The following SYNE2 variants were observed in gnomAD, a reference collection of about 807,000 sequenced individuals.
The protein encoded by SYNE2 is nesprin-2.
A neutral mutation model predicts 856.3 loss-of-function variants in SYNE2; 431 were observed. The ratio of observed to expected loss-of-function variants is 0.50; its 90% CI spans 0.47 to 0.55. SYNE2 has a LOEUF of 0.55. SYNE2 is among the 20% of genes least tolerant of loss of function. SYNE2 has a pLI of 0.00. For missense variants in SYNE2, 8,129 were observed against 8,023.2 expected (o/e 1.01, Z -0.50); for synonymous variants, 2,923 against 2,872.3 (o/e 1.02, Z -0.56).
rs34947861 is a variant in SYNE2 at position 63,841,832 on chromosome 14, C to CTTTTT, written c.-304-10655_-304-10651dup. On this transcript the variant is annotated intron_variant, in intron 1 of 23. Transcript: ENST00000674003. The stretch of plus-strand genomic sequence containing the variant: ...CATTTTTCTTTTTCTTTCTTTCTTT[C>CTTTTT]TTTTTTTTTTTTTTTTTTGAGACAT... Among the ~76,000 whole-genome samples, 506 of 114,904 alleles carry CTTTTT rather than the reference C, an allele frequency of 4.4e-3. 1 individual carries two copies. The highest frequency in any genetic ancestry group is 6.0e-3 in the Non-Finnish European group (348 of 58,406). The allele number at this position is 114,904 out of a possible 152,430, so 75.4% of individuals were successfully genotyped here.
intron 34 of SYNE2, among the ~76,000 whole-genome samples, chr14:64,018,632 G>A (rs140242961): frequency 6.6e-6 from 1 of 152,184 alleles, no homozygotes; most frequent in Non-Finnish European, 1.5e-5. Flanking sequence ...TGCTGTTGGA[G>A]AATTGAAAAC....
At position 63,944,526 on chromosome 14, in the gene SYNE2, T is replaced by G. The variant is rs867285866; in HGVS notation, c.408+2383T>G. Among the ~76,000 whole-genome samples, 11 of 139,344 alleles carry G rather than the reference T, an allele frequency of 7.9e-5. 1 individual carries two copies. The South Asian group carries it at 1.4e-3, about 18-fold the overall frequency. The allele number at this position is 139,344 out of a possible 152,430, so 91.4% of individuals were successfully genotyped here. On this transcript the variant is annotated intron_variant, in intron 6 of 115. Coordinates refer to ENST00000555002, the MANE Select transcript of SYNE2 (RefSeq NM_182914.3). Reference sequence around the variant, plus strand: ...CAAACTTAAAGCCTTTCTTTTTTTTTTTTTTTTTTTTTTTTGAGACAGAGT... The same window carrying G: ...CAAACTTAAAGCCTTTCTTTTTTTTGTTTTTTTTTTTTTTTGAGACAGAGT...
chr14:63,940,032 T>G (rs575240491), intron 2 of SYNE2, among the ~76,000 whole-genome samples: 55 of 152,196 alleles, frequency 3.6e-4, no homozygotes, highest in African/African-American at 1.2e-3. Flanking sequence ...TCACAGTTCT[T>G]TGTACAGTAC....
At chr14:64,149,917 C>T (rs567882340) in intron 84 of SYNE2, among the ~76,000 whole-genome samples, 4 of 150,812 alleles carry the variant, frequency 2.7e-5, no homozygotes, top group East Asian at 2.0e-4. Flanking sequence ...GGGCTAAATC[C>T]GTATTATTCT....
rs2098161023 is a variant in SYNE2 at position 64,143,906 on chromosome 14, G to T, written c.15441G>T (p.Met5147Ile). The change falls in exon 83 of 116, where the codon ATG becomes ATT. Residue 5147 changes from methionine (M) to isoleucine (I), a missense_variant. Around this residue, in one of 3 missense-constraint regions of SYNE2, gnomAD observed 5,410 missense variants for 5,284.8 expected, o/e 1.02. Coordinates refer to ENST00000555002, the MANE Select transcript of SYNE2 (RefSeq NM_182914.3). ...RTEFAEHLGE[M>I]NRQWHRVHGM... ...AGTTTGCAGAGCACCTGGGGGAGAT[G>T]AACCGCCAGTGGCACCGTGTACATG... 6.2e-7 allele frequency: 1 copy of T among 1,614,168 alleles called. No individual in the cohort carries two copies. Among genetic ancestry groups the T allele is most frequent in the Non-Finnish European group, 8.5e-7 (1 of 1,179,996 alleles).
intron 29 of SYNE2, among the ~76,000 whole-genome samples, chr14:64,002,385 G>A (rs1032942810): frequency 3.3e-5 from 5 of 152,064 alleles, no homozygotes; most frequent in East Asian, 1.9e-4. Context: ...CTTAAATGCC[G>A]TATTCTACCG....
chr14:63,973,081 C>G (rs572530449), intron 11 of SYNE2, among the ~76,000 whole-genome samples: 1 of 151,752 alleles, frequency 6.6e-6, no homozygotes, highest in Non-Finnish European at 1.5e-5. Context: ...CATGGCACAT[C>G]CCTGTCTCTA....
chr14:64,171,350 T>G (rs1264121496), intron 94 of SYNE2, among the ~76,000 whole-genome samples: 1 of 152,226 alleles, frequency 6.6e-6, no homozygotes, highest in Non-Finnish European at 1.5e-5. Flanking sequence ...GCTGGGTGTA[T>G]TCTGTGGATG....
In SYNE2 at chr14:64,220,461, T is replaced by TA; in HGVS notation, c.19886dup (p.Tyr6629Ter). The TA allele has an allele frequency of 6.2e-7, 1 of 1,614,174 alleles. No homozygotes were observed. The change falls in exon 111 of 116, where the codon TAC becomes TAAC. Residue 6629 changes from tyrosine to a stop codon, truncating the protein, a stop_gained and frameshift_variant. Transcript: ENST00000555002. LOFTEE classifies it high-confidence loss of function. ...GGAGATACTGAAAGCCTTTGACACT[T>TA]ACAAGGCATTAGTGGTCTCTGTCAA... ...LQEILKAFDT[Y>*]KALVVSVNVS...
At chr14:63,966,714 A>C (rs111814041) in intron 10 of SYNE2, among the ~76,000 whole-genome samples, 2,972 of 151,768 alleles carry the variant, frequency 0.02, 91 homozygotes, top group African/African-American at 0.067. Context: ...GTGTGTCACC[A>C]TGCCTAGCTA....
intron 45 of SYNE2, among the ~76,000 whole-genome samples, chr14:64,032,980 C>T (rs912079121): frequency 2.0e-5 from 3 of 151,966 alleles, no homozygotes; most frequent in Admixed American, 6.6e-5. Flanking sequence ...TCAGTCTGGG[C>T]AACATAGGGA....
chr14:64,113,124 T>C (rs1567335902), intron 65 of SYNE2: 1 of 985,336 alleles, frequency 1.0e-6, no homozygotes, highest in African/African-American at 1.7e-5. Flanking sequence ...CCGGGAATAC[T>C]GTACCTGCTT....
At chr14:63,982,033 G>A (rs2096589474) in intron 16 of SYNE2, among the ~76,000 whole-genome samples, 1 of 152,160 alleles carries the variant, frequency 6.6e-6, no homozygotes. Flanking sequence ...ACCCAAAACT[G>A]CTAAGAAACC....
At chr14:63,876,288 A>C (rs1385107258) in intron 1 of SYNE2, among the ~76,000 whole-genome samples, 1 of 150,804 alleles carries the variant, frequency 6.6e-6, no homozygotes, top group Non-Finnish European at 1.5e-5. Flanking sequence ...GTGTTGGCAC[A>C]CGCCTGTAAT....
At chr14:64,165,457 G>A in intron 90 of SYNE2, 47 bp downstream of exon 90, 1 of 1,596,100 alleles carries the variant, frequency 6.3e-7, no homozygotes, top group East Asian at 2.2e-5. Flanking sequence ...TCACCATAAG[G>A]TTAAAAAAAA....
At chr14:63,933,642 A>T (rs1032379732) in intron 2 of SYNE2, among the ~76,000 whole-genome samples, 1 of 152,194 alleles carries the variant, frequency 6.6e-6, no homozygotes, top group Non-Finnish European at 1.5e-5. Flanking sequence ...TACATTATGT[A>T]TATATATTTG....
intron 115 of SYNE2, 54 bp from the exon 116 acceptor site, chr14:64,225,265 G>A: frequency 6.2e-7 from 1 of 1,613,774 alleles, no homozygotes; most frequent in Admixed American, 1.7e-5. Flanking sequence ...AGGTAATAGA[G>A]TGGGTTGTGC....
intron 1 of SYNE2, among the ~76,000 whole-genome samples, chr14:63,782,357 A>G (rs1887348802): frequency 6.6e-6 from 1 of 150,656 alleles, no homozygotes; most frequent in Non-Finnish European, 1.5e-5. Flanking sequence ...AATCCCAGCT[A>G]CTCAGGAGGT....
intron 32 of SYNE2, among the ~76,000 whole-genome samples, chr14:64,015,305 G>A (rs1205547709): frequency 6.6e-6 from 1 of 151,724 alleles, no homozygotes; most frequent in African/African-American, 2.4e-5. Context: ...AAATTCTCTA[G>A]TGAAACCATC....
Sources: gnomAD v4.1 joint callset for allele counts (sites outside exome capture counted in the v4.1 genomes callset) on GRCh38, gnomAD v4.1.1 for gene constraint, gnomAD v4.1.1 regional missense constraint, MANE v1.5 for transcripts, NCBI Gene and HGNC (gene_info 2026-07-23, HGNC 2026-07-21) for gene names.